SYNE1: variants seen among roughly 807,000 people sequenced by gnomAD.
SYNE1 encodes nesprin-1.
A neutral mutation model predicts 1,111.0 loss-of-function variants in SYNE1; 616 were observed. That is an observed-to-expected ratio of 0.55 (90% confidence interval 0.52 to 0.59). The LOEUF is 0.59. SYNE1 is among the 20% of genes least tolerant of loss of function. The probability of loss-of-function intolerance (pLI) is 0.00; values close to 1 mark genes in which losing one functional copy is unlikely to be tolerated. For synonymous variants in SYNE1, 3,855 were observed against 3,825.8 expected, an observed-to-expected ratio of 1.01 and a Z score of -0.28; for missense variants, 10,006 against 10,417.0, an observed-to-expected ratio of 0.96 and a Z score of 1.72.
At chr6:152,588,464 C>T (rs1044297616) in intron 3 of SYNE1, among the ~76,000 whole-genome samples, 1 of 152,136 alleles carries the variant, frequency 6.6e-6, no homozygotes, top group African/African-American at 2.4e-5. Flanking sequence ...TCTGTGTGTG[C>T]TTTTACTCCC....
chr6:152,366,786 C>T (rs1364551410), intron 62 of SYNE1, among the ~76,000 whole-genome samples: 1 of 152,322 alleles, frequency 6.6e-6, no homozygotes, highest in East Asian at 1.9e-4. Flanking sequence ...CAAATGAATG[C>T]AGACTCATTA....
Position 152,133,459 on chromosome 6 carries a change from T to C in SYNE1, c.25818A>G (p.Gln8606=). 9 of 1,614,224 alleles carry C rather than the reference T, an allele frequency of 5.6e-6. No homozygotes were observed. The highest frequency in any genetic ancestry group is 7.6e-6 in the Non-Finnish European group (9 of 1,180,038). The change falls in exon 143 of 146, where the codon CAA becomes CAG. Residue 8606 remains glutamine (Q), a synonymous_variant. Transcript: ENST00000367255. The part of the protein sequence containing the change: ...MQIKHELLES[Q]LRVASLQDMS... ...TGTCTTGCAAAGAGGCTACTCTGAG[T>C]TGGGATTCCAACAGCTCATGCTTTA...
In SYNE1 at chr6:152,455,555, A is replaced by G. The variant is rs772853190; in HGVS notation, c.2763T>C (p.His921=). Residue 921 remains histidine (H), a synonymous_variant, in exon 24 of 146, where the codon CAT becomes CAC. Transcript: ENST00000367255. ...TCATCAAGCGACTGTTGGTTTCCAC[A>G]TGCTTCTTCCAATCTCCAGTTTTCT... ...MVKKTGDWKK[H]VETNSRLMKK... is the part of the protein sequence containing the mutation. 1.2e-6 allele frequency: 2 copies of G among 1,613,986 alleles called. No homozygotes were observed. The highest frequency in any genetic ancestry group is 1.3e-5 in the African/African-American group (1 of 74,902).
intron 77 of SYNE1, 25 bp downstream of exon 77, chr6:152,333,983 T>A: frequency 6.2e-7 from 1 of 1,614,118 alleles, no homozygotes; most frequent in Middle Eastern, 1.6e-4. Context: ...AGCATTTTGG[T>A]GACCCATGGG....
intron 127 of SYNE1, among the ~76,000 whole-genome samples, chr6:152,200,555 T>C (rs75049012): frequency 0.12 from 18,354 of 152,100 alleles, 1,256 homozygotes; most frequent in East Asian, 0.21. Context: ...GCACCACCAC[T>C]CTGGTTAATT....
At chr6:152,187,201 C>A (rs139303757) in intron 128 of SYNE1, among the ~76,000 whole-genome samples, 1 of 152,290 alleles carries the variant, frequency 6.6e-6, no homozygotes, top group African/African-American at 2.4e-5. Context: ...AGTATATATT[C>A]ATAGGAAACT....
chr6:152,130,698 G>A, intron 145 of SYNE1, 22 bp downstream of exon 145: 1 of 1,613,848 alleles, frequency 6.2e-7, no homozygotes, highest in South Asian at 1.1e-5. Context: ...AGAACAGTGT[G>A]GAAACCAGGA....
chr6:152,484,527 A>G (rs933805351), intron 13 of SYNE1, among the ~76,000 whole-genome samples: 1 of 152,176 alleles, frequency 6.6e-6, no homozygotes, highest in Non-Finnish European at 1.5e-5. Flanking sequence ...CTTCTAAACC[A>G]CCCAGAAGGA....
At chr6:152,231,329 C>T (rs2082708058) in intron 114 of SYNE1, 62 bp downstream of exon 114, 1 of 1,581,650 alleles carries the variant, frequency 6.3e-7, no homozygotes, top group Non-Finnish European at 8.7e-7. Context: ...GTCTTCCTTA[C>T]AGAGTGTGCC....
intron 3 of SYNE1, among the ~76,000 whole-genome samples, chr6:152,576,093 C>CA (rs975175603): frequency 2.0e-5 from 3 of 152,028 alleles, no homozygotes; most frequent in Admixed American, 2.0e-4. Context: ...TGTGTTTTTT[C>CA]AAAAAAATAA....
chr6:152,223,090 T>C (rs2080555576), intron 117 of SYNE1, among the ~76,000 whole-genome samples: 1 of 152,120 alleles, frequency 6.6e-6, no homozygotes, highest in African/African-American at 2.4e-5. Context: ...ATGAAAACAG[T>C]CAAGGAAAAG....
intron 51 of SYNE1, among the ~76,000 whole-genome samples, chr6:152,393,385 T>C (rs558489247): frequency 1.3e-5 from 2 of 152,176 alleles, no homozygotes; most frequent in East Asian, 3.9e-4. Flanking sequence ...GTGTGTTATA[T>C]TGTATCTAGA....
At chr6:152,510,459 G>A in intron 7 of SYNE1, 88 bp from the exon 8 acceptor site, 2 of 1,451,632 alleles carry the variant, frequency 1.4e-6, no homozygotes, top group South Asian at 1.2e-5. Context: ...CAACAAATGA[G>A]TTATGTTAAC....
intron 78 of SYNE1, 63 bp downstream of exon 78, chr6:152,329,667 T>C (rs567272962): frequency 3.1e-6 from 5 of 1,610,924 alleles, no homozygotes; most frequent in Non-Finnish European, 4.2e-6. Flanking sequence ...CAAACGAATT[T>C]CTTGTACCTG....
At chr6:152,251,691 G>A (rs1014802904) in intron 104 of SYNE1, among the ~76,000 whole-genome samples, 3 of 151,710 alleles carry the variant, frequency 2.0e-5, no homozygotes, top group South Asian at 4.2e-4. Context: ...CCTGGGAGGC[G>A]GAGCTTGCAG....
At chr6:152,145,585 G>C in intron 137 of SYNE1, 1 of 1,596,868 alleles carries the variant, frequency 6.3e-7, no homozygotes. Context: ...TAAGTTGACA[G>C]CTAAGTTCTG....
chr6:152,172,729 C>T lies in SYNE1; in HGVS notation c.23627+3665G>A, dbSNP rs370878487. Among the ~76,000 whole-genome samples the T allele has an allele frequency of 1.9e-3, 287 of 152,222 alleles. 1 individual carries two copies. Among genetic ancestry groups the T allele is most frequent in the African/African-American group, 6.5e-3 (270 of 41,548 alleles). On this transcript the variant is annotated intron_variant, in intron 130 of 145. Transcript: ENST00000367255. ...CAGTTTTACAGAAATTAGAGTGATG[C>T]GTCACCAATGACAGCTTCTTATGTT... is the stretch of plus-strand genomic sequence containing the variant.
chr6:152,469,903 A>G (rs1219989975), intron 16 of SYNE1, among the ~76,000 whole-genome samples: 1 of 152,176 alleles, frequency 6.6e-6, no homozygotes, highest in African/African-American at 2.4e-5. Flanking sequence ...ATGAAAAATG[A>G]TGCATGTAAA....
chr6:152,621,799 T>G (rs919652739), intron 3 of SYNE1, among the ~76,000 whole-genome samples: 2 of 152,120 alleles, frequency 1.3e-5, no homozygotes, highest in African/African-American at 4.8e-5. Context: ...ATATACCATT[T>G]AAAAGGAAAA....
Sources: gnomAD v4.1 joint callset for allele counts (sites outside exome capture counted in the v4.1 genomes callset) on GRCh38, gnomAD v4.1.1 for gene constraint, MANE v1.5 for transcripts, NCBI Gene and HGNC (gene_info 2026-07-23, HGNC 2026-07-21) for gene names.